MTA2: variants seen among roughly 807,000 people sequenced by gnomAD.
MTA2 encodes the protein metastasis associated 1 family member 2, also known as metastasis-associated protein MTA2.
A neutral mutation model predicts 87.1 loss-of-function variants in MTA2; 22 were observed. The ratio of observed to expected loss-of-function variants is 0.25; its 90% CI spans 0.18 to 0.36. MTA2 has a LOEUF of 0.36. Among genes scored for constraint, MTA2 ranks in the 10% least tolerant of loss-of-function variants. MTA2 has a pLI of 1.00. For missense variants in MTA2, 542 were observed against 853.2 expected (o/e 0.64, Z 4.54); for synonymous variants, 314 against 310.1 (o/e 1.01, Z -0.13).
chr11:62,600,553 C>T, intron 2 of MTA2, 69 bp downstream of exon 2: 5 of 1,416,928 alleles, frequency 3.5e-6, no homozygotes, highest in Non-Finnish European at 4.9e-6. Context: ...ATCCTCTCTT[C>T]CACCAGAAGT....
Position 62,596,829 on chromosome 11 carries a change from T to G in MTA2, c.694-4A>C, listed in dbSNP as rs751390598. ...GCAAGGTATCCATGGCGTGAAACTA[T>G]GGGGAAGATGGAGAGCAACTGAGGA... On this transcript the variant is annotated splice_region_variant and splice_polypyrimidine_tract_variant and intron_variant, in intron 8 of 17. Transcript: ENST00000278823. The G allele has an allele frequency of 1.9e-6, 3 of 1,591,728 alleles. No individual in the cohort carries two copies. The highest frequency in any genetic ancestry group is 1.7e-6 in the Non-Finnish European group (2 of 1,169,704).
intron 9 of MTA2, 52 bp from the exon 10 acceptor site, chr11:62,596,584 G>T (rs749929043): frequency 1.2e-6 from 2 of 1,612,424 alleles, no homozygotes; most frequent in Non-Finnish European, 1.7e-6. Context: ...CCCAGGTCCT[G>T]GTTCCCTCAC....
chr11:62,594,599 C>T lies in MTA2; in HGVS notation c.1609G>A (p.Gly537Ser), dbSNP rs1308586804. The T allele has an allele frequency of 3.7e-6, 6 of 1,613,972 alleles. No individual in the cohort carries two copies. The Admixed American group carries it at 1.0e-4, about 27-fold the overall frequency. The change falls in exon 16 of 18, where the codon GGT becomes AGT. Residue 537 changes from glycine to serine, a missense_variant. Physicochemically the swap from Gly to Ser is moderately conservative, Grantham distance 56. This residue lies in a region of MTA2 where 269 missense variants were observed against 346.4 expected (regional missense o/e 0.78). Transcript: ENST00000278823. ...QAPLKPKTPRGTKTPINRNQL... is the reference protein window; with the variant it reads ...QAPLKPKTPRSTKTPINRNQL... ...TTTCTGTTGATCGGTGTCTTGGTAC[C>T]CCGAGGTGTTTTTGGTTTCAGGGGT...
chr11:62,601,319 G>C (rs1942192594), intron 1 of MTA2, 104 bp downstream of exon 1: 1 of 1,407,642 alleles, frequency 7.1e-7, no homozygotes, highest in Admixed American at 1.9e-5. Flanking sequence ...TCCGGTCCAC[G>C]CTGCCCCATA....
intron 1 of MTA2, chr11:62,600,892 A>G: frequency 5.3e-6 from 3 of 561,916 alleles, no homozygotes; most frequent in East Asian, 3.0e-5. Context: ...CTAAAATTAG[A>G]TCCTTTACTC....
At position 62,600,180 on chromosome 11, in the gene MTA2, G is replaced by A. The variant is rs1024326267; in HGVS notation, c.176C>T (p.Ala59Val). The A allele has an allele frequency of 6.8e-6, 11 of 1,614,052 alleles. No homozygotes were observed. Among genetic ancestry groups the A allele is most frequent in the Non-Finnish European group, 8.5e-6 (10 of 1,179,928 alleles). Residue 59 changes from alanine to valine, a missense_variant, in exon 3 of 18, where the codon GCT becomes GTT. This residue lies in a region of MTA2 where 150 missense variants were observed against 243.9 expected (regional missense o/e 0.62). Transcript: ENST00000278823. ...AAGATACTCACTGGCATTACTATCA[G>A]CCAGGCTGTTGAGGCTACTAGAAAT... Reference protein sequence around the residue: ...RDISSSLNSLADSNAREFEEE... With the variant: ...RDISSSLNSLVDSNAREFEEE...
Position 62,601,490 on chromosome 11 carries a change from C to CG in MTA2, c.-41dup, listed in dbSNP as rs750982570. On this transcript the variant is annotated 5_prime_UTR_variant, in exon 1 of 18. Coordinates refer to ENST00000278823, the MANE Select transcript of MTA2 (RefSeq NM_004739.4). Reference sequence around the variant, plus strand: ...CCGCCTCCGGCCGCACAAAGGGGTCCGGGAGGCTCGCGGGGGCAGGGCTCG... The same window carrying CG: ...CCGCCTCCGGCCGCACAAAGGGGTCCGGGGAGGCTCGCGGGGGCAGGGCTCG... 3.1e-6 allele frequency: 5 copies of CG among 1,596,066 alleles called. No homozygotes were observed. The highest frequency in any genetic ancestry group is 1.4e-5 in the African/African-American group (1 of 73,200).
chr11:62,600,709 G>T lies in MTA2; in HGVS notation c.29-20C>A, dbSNP rs111708845. The T allele has an allele frequency of 6.8e-6, 11 of 1,608,738 alleles. No homozygotes were observed. The Admixed American group carries it at 1.7e-4, about 24-fold the overall frequency. The stretch of plus-strand genomic sequence containing the variant: ...CGTAATCTGTAAGGGAAGGGAGGGG[G>T]GAGAACCACGAAGATCAGAGGAGAT... On this transcript the variant is annotated intron_variant, in intron 1 of 17. Transcript: ENST00000278823.
At chr11:62,598,871 C>T (rs1942136366) in intron 3 of MTA2, among the ~76,000 whole-genome samples, 1 of 152,074 alleles carries the variant, frequency 6.6e-6, no homozygotes, top group South Asian at 2.1e-4. Flanking sequence ...GCTGAGAGTA[C>T]GAAGAATGCT....
chr11:62,600,888 T>C, intron 1 of MTA2, 199 bp from the exon 2 acceptor site: 1 of 563,112 alleles, frequency 1.8e-6, no homozygotes, highest in East Asian at 3.0e-5. Flanking sequence ...AGTTCTAAAA[T>C]TAGATCCTTT....
Position 62,601,573 on chromosome 11 carries a change from C to T in MTA2, c.-123G>A, listed in dbSNP as rs1747935872. The T allele has an allele frequency of 8.4e-7, 1 of 1,192,796 alleles. No individual in the cohort carries two copies. Among genetic ancestry groups the T allele is most frequent in the Non-Finnish European group, 1.1e-6 (1 of 880,310 alleles). 73.9% of individuals were successfully genotyped at this position (1,192,796 alleles called of 1,614,324 possible). A position where few individuals can be genotyped will look rare whatever the true frequency, so the allele number is the denominator to read the frequency against. ...GCTTCGAGGGAGTCTCACTGGGGCC[C>T]GCGCAGCCGGCACCTCCGCTGCCTC... On this transcript the variant is annotated 5_prime_UTR_variant, in exon 1 of 18. Coordinates refer to ENST00000278823, the MANE Select transcript of MTA2 (RefSeq NM_004739.4).
intron 15 of MTA2, 50 bp from the exon 16 acceptor site, chr11:62,594,684 C>T (rs1565043311): frequency 1.3e-6 from 2 of 1,520,548 alleles, no homozygotes; most frequent in African/African-American, 1.4e-5. Context: ...CGCAGTTCCC[C>T]TTTGTTACTT....
Position 62,595,336 on chromosome 11 carries a change from C to T in MTA2, c.1411G>A (p.Asp471Asn). Residue 471 changes from aspartate (D) to asparagine (N), a missense_variant, in exon 14 of 18, where the codon GAC becomes AAC. Asp to Asn is a conservative substitution (Grantham distance 23). Transcript: ENST00000278823. This position sits in a 1 kb window ranked among gnomAD's most constrained non-coding sequence, Gnocchi z 4.9. ...LTRLARRMCR[D>N]LLQPRRAARR... Reference sequence around the variant, plus strand: ...GCGGCCCTCCTTGGCTGTAATAGGTCCCTGCACATGCGTCTGGCAAGACGG... The same window carrying T: ...GCGGCCCTCCTTGGCTGTAATAGGTTCCTGCACATGCGTCTGGCAAGACGG... The T allele has an allele frequency of 6.2e-7, 1 of 1,614,188 alleles. No homozygotes were observed. The highest frequency in any genetic ancestry group is 8.5e-7 in the Non-Finnish European group (1 of 1,180,032).
chr11:62,600,360 G>C, intron 2 of MTA2, 101 bp from the exon 3 acceptor site: 1 of 1,086,100 alleles, frequency 9.2e-7, no homozygotes, highest in South Asian at 1.4e-5. Context: ...AAGTTTCAGA[G>C]GGACCTAAAT....
In MTA2 at chr11:62,596,473, G is replaced by A. The variant is rs1301276880; in HGVS notation, c.942C>T (p.Asp314=). Residue 314 remains aspartate, a synonymous_variant, in exon 10 of 18, where the codon GAC becomes GAT. Coordinates refer to ENST00000278823, the MANE Select transcript of MTA2 (RefSeq NM_004739.4). Reference sequence around the variant, plus strand: ...CAGATAATACCTGCTGAATATACCGGTCTGTGGTTTTCCACATGTAATAAA... The same window carrying A: ...CAGATAATACCTGCTGAATATACCGATCTGTGGTTTTCCACATGTAATAAA... ...VQFYYMWKTT[D]RYIQQKRLKA... 1 of 1,614,100 alleles carries A rather than the reference G, an allele frequency of 6.2e-7. No individual in the cohort carries two copies. The highest frequency in any genetic ancestry group is 8.5e-7 in the Non-Finnish European group (1 of 1,179,972).
intron 3 of MTA2, chr11:62,599,454 A>G (rs995490555): frequency 6.6e-6 from 1 of 152,280 alleles, no homozygotes; most frequent in Non-Finnish European, 1.5e-5. Flanking sequence ...CTAAAGGGCC[A>G]AGGAACTTGG....
In MTA2 at chr11:62,595,018, C is replaced by G. The variant is rs758859190; in HGVS notation, c.1536G>C (p.Leu512=). ...AAKTPLKIHP[L]VRLPLATIVK... ...CGATAGTTGCCAGGGGCAGCCGCAC[C>G]AGAGGGTGAATCTTCAATGGAGTCT... Residue 512 remains leucine (L), a synonymous_variant, in exon 15 of 18, where the codon CTG becomes CTC. Coordinates refer to ENST00000278823, the MANE Select transcript of MTA2 (RefSeq NM_004739.4). This position sits in a 1 kb window ranked among gnomAD's most constrained non-coding sequence, Gnocchi z 4.9. 3.1e-6 allele frequency: 5 copies of G among 1,614,132 alleles called. No individual in the cohort carries two copies. The highest frequency in any genetic ancestry group is 4.2e-6 in the Non-Finnish European group (5 of 1,180,028).
chr11:62,597,448 G>A (rs990043310), intron 7 of MTA2, 33 bp from the exon 8 acceptor site: 1 of 1,595,026 alleles, frequency 6.3e-7, no homozygotes, highest in Non-Finnish European at 8.6e-7. Flanking sequence ...AAAAGCGAAA[G>A]AAAAGTCAAA....
chr11:62,595,512 AAG>A lies in MTA2; in HGVS notation c.1255-22_1255-21del, dbSNP rs761721742. ...TGGCTCCTAGAAGAAGAGCATAGGA[AAG>A]AGAGAGAGCAGAAATCAGCACTGAG... On this transcript the variant is annotated intron_variant, in intron 13 of 17. Transcript: ENST00000278823. The surrounding 1 kb of genome is among the most constrained non-coding windows in gnomAD (Gnocchi z 4.9). 3.1e-6 allele frequency: 5 copies of A among 1,612,582 alleles called. No individual in the cohort carries two copies. The highest frequency in any genetic ancestry group is 1.1e-5 in the South Asian group (1 of 91,060).
Sources: allele counts gnomAD v4.1 joint callset (sites outside exome capture counted in the v4.1 genomes callset), GRCh38; gene constraint gnomAD v4.1.1; regional missense constraint gnomAD v4.1.1; non-coding constraint Gnocchi (gnomAD v3.1); transcripts MANE v1.5; gene names NCBI Gene and HGNC (gene_info 2026-07-23, HGNC 2026-07-21).